Variants in IQCM observed in about 807,000 individuals in gnomAD.
The protein encoded by IQCM is IQ motif containing M.
A neutral mutation model predicts 57.6 loss-of-function variants in IQCM; 45 were observed. The ratio of observed to expected loss-of-function variants is 0.78; its 90% CI spans 0.62 to 1.00. The LOEUF (loss-of-function observed/expected upper bound fraction) is 1.00. IQCM is among the 50% of genes least tolerant of loss of function. IQCM has a pLI of 0.00. For missense variants in IQCM, 468 were observed against 511.6 expected, an observed-to-expected ratio of 0.91 and a Z score of 0.82; for synonymous variants, 148 against 158.9, an observed-to-expected ratio of 0.93 and a Z score of 0.51.
intron 8 of IQCM, among the ~76,000 whole-genome samples, chr4:149,590,247 CTTTTTT>C (rs71596214): frequency 3.7e-4 from 27 of 73,630 alleles, no homozygotes; most frequent in Admixed American, 1.3e-3. Flanking sequence ...TTTTTCTTTC[CTTTTTT>C]TTTTTTTTTT....
rs573035686 is a variant in IQCM, at chr4:149,461,850, T to C, written c.1229-28293A>G. On this transcript the variant is annotated intron_variant, in intron 12 of 13. Transcript: ENST00000636793. ...TATATATAGTGTGTATATATATATA[T>C]AAATATCCTGACACTATATCTGGCA... Among the ~76,000 whole-genome samples the C allele has an allele frequency of 3.3e-5, 5 of 151,768 alleles. No individual in the cohort carries two copies. In the East Asian group the frequency reaches 9.7e-4, roughly 29 times the overall value.
intron 5 of IQCM, among the ~76,000 whole-genome samples, chr4:149,714,525 G>C (rs1764833016): frequency 6.6e-6 from 1 of 152,032 alleles, no homozygotes; most frequent in African/African-American, 2.4e-5. Flanking sequence ...TTATATAGTA[G>C]TACTCCCTTA....
At chr4:149,636,730 G>A (rs1485370600) in intron 7 of IQCM, among the ~76,000 whole-genome samples, 2 of 152,160 alleles carry the variant, frequency 1.3e-5, no homozygotes, top group Non-Finnish European at 2.9e-5. Context: ...AATAAAATAA[G>A]AAAATGATAA....
At chr4:149,610,480 T>C (rs988461363) in intron 8 of IQCM, among the ~76,000 whole-genome samples, 9 of 151,866 alleles carry the variant, frequency 5.9e-5, no homozygotes, top group African/African-American at 1.7e-4. Context: ...AATTATACTA[T>C]AAAGCTATGG....
At chr4:149,413,669 T>C (rs567719672) in intron 13 of IQCM, among the ~76,000 whole-genome samples, 2 of 152,304 alleles carry the variant, frequency 1.3e-5, no homozygotes, top group East Asian at 1.9e-4. Flanking sequence ...TAGGTGAGTG[T>C]TCATTACATG....
At chr4:149,601,190 C>G (rs1233754377) in intron 8 of IQCM, among the ~76,000 whole-genome samples, 1 of 101,550 alleles carries the variant, frequency 9.8e-6, no homozygotes. Flanking sequence ...TTCAATAGAT[C>G]GGGCTGGGAC....
chr4:149,654,476 A>G (rs904242804), intron 7 of IQCM, among the ~76,000 whole-genome samples: 1 of 152,084 alleles, frequency 6.6e-6, no homozygotes, highest in African/African-American at 2.4e-5. Context: ...TTACCATGCA[A>G]CATGCAAGCT....
intron 2 of IQCM, among the ~76,000 whole-genome samples, chr4:149,784,858 G>A (rs541395340): frequency 1.3e-5 from 2 of 152,200 alleles, no homozygotes; most frequent in African/African-American, 4.8e-5. Flanking sequence ...AATGTAAACC[G>A]TAAGGAGGTA....
chr4:149,426,000 A>G (rs1734436352), intron 13 of IQCM, among the ~76,000 whole-genome samples: 1 of 151,982 alleles, frequency 6.6e-6, no homozygotes, highest in Non-Finnish European at 1.5e-5. Context: ...TATATCAACG[A>G]ACATGCAATC....
chr4:149,700,410 C>A (rs981496864), intron 5 of IQCM, among the ~76,000 whole-genome samples: 2 of 151,848 alleles, frequency 1.3e-5, no homozygotes, highest in Non-Finnish European at 2.9e-5. Context: ...GTCACCCCCC[C>A]ACACATACAC....
At position 149,410,556 on chromosome 4, in the gene IQCM, C is replaced by T. The variant is rs958172407; in HGVS notation, c.1390+22840G>A. On this transcript the variant is annotated intron_variant, in intron 13 of 13. Transcript: ENST00000636793. ...CATTTTGTAATTTATAAACCACTGG[C>T]TTGTCATGAAAAATTTGTATTTCTA... Among the ~76,000 whole-genome samples, 7 of 151,020 alleles carry T rather than the reference C, an allele frequency of 4.6e-5. No homozygotes were observed. The East Asian group carries it at 1.4e-3, about 29-fold the overall frequency.
chr4:149,578,995 C>T (rs1358680017), intron 9 of IQCM, among the ~76,000 whole-genome samples: 2 of 151,870 alleles, frequency 1.3e-5, no homozygotes, highest in Admixed American at 6.6e-5. Flanking sequence ...AAAGCAATTG[C>T]ATATCTGATT....
intron 7 of IQCM, among the ~76,000 whole-genome samples, chr4:149,675,089 T>G (rs761190063): frequency 1.3e-5 from 2 of 151,982 alleles, no homozygotes; most frequent in African/African-American, 4.8e-5. Flanking sequence ...GGCAAAATCA[T>G]GGGAGGAAAA....
chr4:149,464,852 T>C (rs998718176), intron 12 of IQCM, among the ~76,000 whole-genome samples: 2 of 152,164 alleles, frequency 1.3e-5, no homozygotes, highest in African/African-American at 4.8e-5. Flanking sequence ...TTAAAAATTT[T>C]TGATTAATGG....
intron 13 of IQCM, among the ~76,000 whole-genome samples, chr4:149,407,470 C>T (rs1373582484): frequency 6.6e-6 from 1 of 152,128 alleles, no homozygotes; most frequent in Admixed American, 6.6e-5. Flanking sequence ...ATCCCTCCCC[C>T]TGGTGCCCCA....
At chr4:149,420,204 G>C (rs2111213427) in intron 13 of IQCM, among the ~76,000 whole-genome samples, 1 of 152,140 alleles carries the variant, frequency 6.6e-6, no homozygotes, top group East Asian at 1.9e-4. Context: ...TATGTTCATT[G>C]CAGCACTATT....
intron 11 of IQCM, among the ~76,000 whole-genome samples, chr4:149,551,291 T>C (rs1749004004): frequency 6.6e-6 from 1 of 152,148 alleles, no homozygotes. Flanking sequence ...TTACTATCTA[T>C]AAGACTTTTA....
chr4:149,423,595 C>T (rs1441737865), intron 13 of IQCM, among the ~76,000 whole-genome samples: 1 of 152,018 alleles, frequency 6.6e-6, no homozygotes, highest in Non-Finnish European at 1.5e-5. Flanking sequence ...CTTTAGCTTT[C>T]CTCTCAACAT....
intron 13 of IQCM, among the ~76,000 whole-genome samples, chr4:149,390,921 GGC>G (rs1183254846): frequency 6.6e-6 from 1 of 150,726 alleles, no homozygotes; most frequent in Non-Finnish European, 1.5e-5. Flanking sequence ...TGGTAATACT[GGC>G]CTCACAGAAT....
Sources: allele counts gnomAD v4.1 joint callset (sites outside exome capture counted in the v4.1 genomes callset), GRCh38; gene constraint gnomAD v4.1.1; transcripts MANE v1.5; gene names NCBI Gene and HGNC (gene_info 2026-07-23, HGNC 2026-07-21).